The following POLDIP3 variants were observed in gnomAD, a reference collection of about 807,000 sequenced individuals.
POLDIP3 encodes the protein polymerase delta-interacting protein 3.
In POLDIP3, 14 loss-of-function variants were observed where a neutral mutation model predicts 45.1. That is an observed-to-expected ratio of 0.31 (90% CI 0.20 to 0.49). POLDIP3 has a LOEUF of 0.49. Among genes scored for constraint, POLDIP3 ranks in the 20% least tolerant of loss-of-function variants. The pLI is 0.99. For synonymous variants in POLDIP3, 223 were observed against 205.2 expected (o/e 1.09, Z -0.74); for missense variants, 511 against 538.8 (o/e 0.95, Z 0.51).
intron 4 of POLDIP3, 123 bp downstream of exon 4, chr22:42,599,575 G>A: frequency 1.3e-6 from 1 of 746,198 alleles, no homozygotes. Context: ...TTGCACTCCA[G>A]CAGCCTGGGG....
In POLDIP3 at chr22:42,584,177, A is replaced by G. The variant is rs895696680; in HGVS notation, c.*1614T>C. 1 of 152,840 alleles carries G rather than the reference A, an allele frequency of 6.5e-6. No homozygotes were observed. The highest frequency in any genetic ancestry group is 2.4e-5 in the African/African-American group (1 of 41,452). The allele number at this position is 152,840 out of a possible 1,614,324, so 9.5% of individuals were successfully genotyped here. ...GATGCTCTCTTGGGCCAGGAAGGGA[A>G]AAGTGTGGGAGGAATGTCTTCCAGC... On this transcript the variant is annotated 3_prime_UTR_variant, in exon 9 of 9. Coordinates refer to ENST00000252115, the MANE Select transcript of POLDIP3 (RefSeq NM_032311.5).
Position 42,592,092 on chromosome 22 carries a change from C to G in POLDIP3, c.892-8G>C. On this transcript the variant is annotated splice_region_variant and splice_polypyrimidine_tract_variant and intron_variant, in intron 6 of 8. Coordinates refer to ENST00000252115, the MANE Select transcript of POLDIP3 (RefSeq NM_032311.5). ...ACACACACAGAAAAGCTCCTGCACA[C>G]AACAAGAGGGGTTGGGATTGGGGAA... The G allele has an allele frequency of 6.2e-7, 1 of 1,614,080 alleles. No homozygotes were observed. The highest frequency in any genetic ancestry group is 1.1e-5 in the South Asian group (1 of 91,088).
intron 4 of POLDIP3, chr22:42,597,856 C>G (rs1926096248): frequency 4.8e-6 from 2 of 417,124 alleles, no homozygotes; most frequent in Non-Finnish European, 4.8e-6. Context: ...TCTTGGCTCA[C>G]TGCAACCTCC....
chr22:42,589,716 C>T (rs1047801000), intron 7 of POLDIP3, among the ~76,000 whole-genome samples: 1 of 151,824 alleles, frequency 6.6e-6, no homozygotes, highest in Non-Finnish European at 1.5e-5. Context: ...TGACAGTGGG[C>T]ACCTGTAATC....
At chr22:42,606,917 A>C (rs1037646045) in intron 1 of POLDIP3, among the ~76,000 whole-genome samples, 1 of 152,256 alleles carries the variant, frequency 6.6e-6, no homozygotes, top group Non-Finnish European at 1.5e-5. Context: ...CAATTAAATA[A>C]GCATGGGTCA....
chr22:42,587,507 G>A lies in POLDIP3; in HGVS notation c.1087C>T (p.Leu363=). ...NVITSDQPIL[L]RLSDSPSMKK... is the part of the protein sequence containing the mutation. ...CAGCACCCCGCCTTTGGAACTCACA[G>A]CAGGATGGGCTGGTCTGAGGTGATA... is the stretch of plus-strand genomic sequence containing the variant. The change falls in exon 8 of 9, where the codon CTG becomes TTG. Residue 363 remains leucine, a splice_region_variant and synonymous_variant. Transcript: ENST00000252115. The A allele has an allele frequency of 1.2e-6, 2 of 1,613,644 alleles. No homozygotes were observed. Among genetic ancestry groups the A allele is most frequent in the South Asian group, 2.2e-5 (2 of 91,064 alleles).
In POLDIP3 at chr22:42,585,500, A is replaced by G. The variant is rs1925246550; in HGVS notation, c.*291T>C. 1 of 425,520 alleles carries G rather than the reference A, an allele frequency of 2.4e-6. No individual in the cohort carries two copies. The highest frequency in any genetic ancestry group is 4.4e-6 in the Non-Finnish European group (1 of 228,340). The allele number at this position is 425,520 out of a possible 1,614,324, so 26.4% of individuals were successfully genotyped here. ...GAATTCAGTGTACCATTTCCAGATA[A>G]GAAATCAGCTTGGGGCTGAGGCTCG... On this transcript the variant is annotated 3_prime_UTR_variant, in exon 9 of 9. Coordinates refer to ENST00000252115, the MANE Select transcript of POLDIP3 (RefSeq NM_032311.5).
intron 1 of POLDIP3, among the ~76,000 whole-genome samples, chr22:42,606,631 A>G (rs1926746988): frequency 6.6e-6 from 1 of 152,222 alleles, no homozygotes; most frequent in African/African-American, 2.4e-5. Context: ...TCAAAAACAT[A>G]TTTTAAAAAA....
At chr22:42,600,168 CAGA>C (rs1250445814) in intron 3 of POLDIP3, among the ~76,000 whole-genome samples, 1 of 152,120 alleles carries the variant, frequency 6.6e-6, no homozygotes, top group African/African-American at 2.4e-5. Flanking sequence ...ATGTTCACAG[CAGA>C]AGGATTTCTA....
At chr22:42,614,467 G>A (rs1927338071) in intron 1 of POLDIP3, among the ~76,000 whole-genome samples, 2 of 152,216 alleles carry the variant, frequency 1.3e-5, no homozygotes, top group Non-Finnish European at 2.9e-5. Flanking sequence ...CCAAATGCCA[G>A]TCCACACAGG....
chr22:42,599,924 A>G (rs1430083757), intron 3 of POLDIP3, 131 bp from the exon 4 acceptor site: 19 of 644,556 alleles, frequency 2.9e-5, no homozygotes, highest in Non-Finnish European at 5.0e-5. Context: ...CACAGGGGTG[A>G]CGGTGCCTGG....
chr22:42,613,768 A>G (rs76180374), intron 1 of POLDIP3, among the ~76,000 whole-genome samples: 1 of 152,280 alleles, frequency 6.6e-6, no homozygotes, highest in East Asian at 1.9e-4. Context: ...CTCAAAAAAA[A>G]CATAAAAATA....
At chr22:42,596,130 A>G in intron 5 of POLDIP3, 56 bp downstream of exon 5, 2 of 1,561,500 alleles carry the variant, frequency 1.3e-6, no homozygotes, top group South Asian at 2.3e-5. Context: ...AATGAGGTAC[A>G]TATAAGCATA....
Position 42,597,240 on chromosome 22 carries a change from G to A in POLDIP3, c.634-875C>T, listed in dbSNP as rs142687453. ...AAAAGGTGCATAAAGCAGAAGTGACGGGGGCCCTGCTGATTTAGGGCAGTG... is the reference window on the plus strand; with the variant it reads ...AAAAGGTGCATAAAGCAGAAGTGACAGGGGCCCTGCTGATTTAGGGCAGTG... On this transcript the variant is annotated intron_variant, in intron 4 of 8. Transcript: ENST00000252115. Among the ~76,000 whole-genome samples, 824 of 152,328 alleles carry A rather than the reference G, an allele frequency of 5.4e-3. 7 individuals carry two copies. Among genetic ancestry groups the A allele is most frequent in the South Asian group, 0.025 (121 of 4,828 alleles).
At chr22:42,607,164 C>T (rs867788716) in intron 1 of POLDIP3, among the ~76,000 whole-genome samples, 14 of 152,222 alleles carry the variant, frequency 9.2e-5, no homozygotes, top group Non-Finnish European at 1.2e-4. Flanking sequence ...GATGCCGAGC[C>T]GAGGCTGGAC....
At chr22:42,609,706 G>C (rs1442178395) in intron 1 of POLDIP3, among the ~76,000 whole-genome samples, 10 of 150,900 alleles carry the variant, frequency 6.6e-5, no homozygotes, top group Non-Finnish European at 1.5e-4. Context: ...GGGTGACAGA[G>C]CAAGATTCCG....
intron 6 of POLDIP3, among the ~76,000 whole-genome samples, chr22:42,595,071 G>T (rs1425893862): frequency 6.6e-6 from 1 of 152,242 alleles, no homozygotes; most frequent in Non-Finnish European, 1.5e-5. Context: ...TGAGAACTCG[G>T]ATCTCAGGAG....
intron 4 of POLDIP3, among the ~76,000 whole-genome samples, chr22:42,599,323 G>A (rs1489645914): frequency 4.6e-5 from 7 of 152,208 alleles, no homozygotes; most frequent in African/African-American, 9.6e-5. Context: ...CTCTATTCAC[G>A]CCGGGCGCAG....
intron 7 of POLDIP3, among the ~76,000 whole-genome samples, chr22:42,590,252 G>A (rs983441767): frequency 4.6e-5 from 7 of 152,178 alleles, no homozygotes; most frequent in South Asian, 2.1e-4. Context: ...GCAGTGGCAC[G>A]ATCACAGCTC....
Sources: gnomAD v4.1 joint callset for allele counts (sites outside exome capture counted in the v4.1 genomes callset) on GRCh38, gnomAD v4.1.1 for gene constraint, MANE v1.5 for transcripts, NCBI Gene and HGNC (gene_info 2026-07-23, HGNC 2026-07-21) for gene names.